The following LIPM variants were observed in gnomAD, a reference collection of about 807,000 sequenced individuals.
LIPM encodes lipase member M.
In LIPM, 42 loss-of-function variants were observed where a neutral mutation model predicts 42.4. That is an observed-to-expected ratio of 0.99 (90% confidence interval 0.77 to 1.28). The LOEUF (loss-of-function observed/expected upper bound fraction) is 1.28. Ranked by LOEUF, LIPM falls within the 50% of genes most tolerant of loss-of-function variation. The pLI is 0.00. For missense variants in LIPM, 524 were observed against 520.1 expected, an observed-to-expected ratio of 1.01 and a Z score of -0.07; for synonymous variants, 177 against 173.3, an observed-to-expected ratio of 1.02 and a Z score of -0.17.
At chr10:88,817,148 C>G (rs551415440) in intron 7 of LIPM, among the ~76,000 whole-genome samples, 6 of 152,012 alleles carry the variant, frequency 3.9e-5, no homozygotes, top group African/African-American at 7.2e-5. Flanking sequence ...TGAGACTTCT[C>G]TCTGTCTCTA....
chr10:88,809,343 T>C (rs1843626852), intron 2 of LIPM, among the ~76,000 whole-genome samples: 1 of 152,236 alleles, frequency 6.6e-6, no homozygotes, highest in Non-Finnish European at 1.5e-5. Flanking sequence ...ATTGTTATTT[T>C]TTAAACATTT....
At chr10:88,817,378 G>A (rs1414220752) in intron 7 of LIPM, among the ~76,000 whole-genome samples, 4 of 152,194 alleles carry the variant, frequency 2.6e-5, no homozygotes, top group Non-Finnish European at 5.9e-5. Flanking sequence ...GGGGGAAGGA[G>A]AGAGTTCTCT....
intron 1 of LIPM, 61 bp downstream of exon 1, chr10:88,803,104 A>T: frequency 6.8e-7 from 1 of 1,475,738 alleles, no homozygotes; most frequent in East Asian, 2.5e-5. Context: ...TCTGTGTATT[A>T]TTTACATTAT....
chr10:88,815,465 T>C lies in LIPM; in HGVS notation c.820T>C (p.Leu274=). Residue 274 remains leucine, a synonymous_variant, in exon 6 of 9, where the codon TTA becomes CTA. Transcript: ENST00000404743. ...ILDQICSNIM[L]LLGGFNTNNM... ...TGATCAGATTTGTAGTAATATCATGTTACTTCTGGGTGGATTCAACACCAA... is the reference window on the plus strand; with the variant it reads ...TGATCAGATTTGTAGTAATATCATGCTACTTCTGGGTGGATTCAACACCAA... 1 of 1,551,552 alleles carries C rather than the reference T, an allele frequency of 6.4e-7. No homozygotes were observed. Among genetic ancestry groups the C allele is most frequent in the Non-Finnish European group, 8.7e-7 (1 of 1,146,892 alleles).
intron 8 of LIPM, 111 bp downstream of exon 8, chr10:88,818,007 C>T: frequency 1.2e-6 from 1 of 867,694 alleles, no homozygotes; most frequent in Non-Finnish European, 1.8e-6. Context: ...AAAATTTAAG[C>T]AGAAAATAAT....
Position 88,820,467 on chromosome 10 carries a change from A to T in LIPM, c.1238A>T (p.Asn413Ile), listed in dbSNP as rs1378697641. The T allele has an allele frequency of 6.4e-7, 1 of 1,551,662 alleles. No homozygotes were observed. The highest frequency in any genetic ancestry group is 2.0e-5 in the Admixed American group (1 of 51,000). Residue 413 changes from asparagine (N) to isoleucine (I), a missense_variant, in exon 9 of 9, where the codon AAC becomes ATC. Physicochemically the swap from Asn to Ile is moderately radical, Grantham distance 149. Transcript: ENST00000404743. Reference protein sequence around the residue: ...IIHLMQQEETNLSQGRCEAVL With the variant: ...IIHLMQQEETILSQGRCEAVL The stretch of plus-strand genomic sequence containing the variant: ...CATCTGATGCAGCAGGAGGAGACCA[A>T]CCTTTCCCAGGGACGGTGTGAGGCC...
intron 3 of LIPM, among the ~76,000 whole-genome samples, chr10:88,813,821 C>G (rs1255257690): frequency 6.6e-6 from 1 of 151,990 alleles, no homozygotes; most frequent in Non-Finnish European, 1.5e-5. Flanking sequence ...AGCAAGGCAC[C>G]CTTTTCACAA....
chr10:88,810,009 G>T (rs1413060629), intron 2 of LIPM, among the ~76,000 whole-genome samples: 1 of 152,006 alleles, frequency 6.6e-6, no homozygotes, highest in East Asian at 1.9e-4. Flanking sequence ...CCCTTACCCT[G>T]CTTACTTTTC....
In LIPM at chr10:88,820,489, G is replaced by A; in HGVS notation, c.1260G>A (p.Glu420=). 2 of 1,550,744 alleles carry A rather than the reference G, an allele frequency of 1.3e-6. No individual in the cohort carries two copies. Among genetic ancestry groups the A allele is most frequent in the Non-Finnish European group, 1.7e-6 (2 of 1,146,846 alleles). The part of the protein sequence containing the change: ...EETNLSQGRC[E]AVL ...CCAACCTTTCCCAGGGACGGTGTGA[G>A]GCCGTATTGTGAAGCATCTGACACT... Residue 420 remains glutamate, a synonymous_variant, in exon 9 of 9, where the codon GAG becomes GAA. Transcript: ENST00000404743.
chr10:88,804,279 G>A (rs1296830747), intron 1 of LIPM, among the ~76,000 whole-genome samples: 1 of 152,106 alleles, frequency 6.6e-6, no homozygotes, highest in Non-Finnish European at 1.5e-5. Flanking sequence ...CTCTGCAGTG[G>A]CAGACAGAGA....
chr10:88,814,298 T>C (rs970614350), intron 3 of LIPM, among the ~76,000 whole-genome samples: 2 of 152,200 alleles, frequency 1.3e-5, no homozygotes, highest in African/African-American at 2.4e-5. Flanking sequence ...AAGATAGTTA[T>C]TGCTACGTGA....
intron 8 of LIPM, 48 bp downstream of exon 8, chr10:88,817,944 T>C (rs1302825833): frequency 7.4e-7 from 1 of 1,349,162 alleles, no homozygotes; most frequent in Non-Finnish European, 1.0e-6. Context: ...ATTGGAAATG[T>C]ATGACAGGGA....
Position 88,813,244 on chromosome 10 carries a change from C to T in LIPM, c.413C>T (p.Ser138Phe). 6.2e-7 allele frequency: 1 copy of T among 1,612,726 alleles called. No individual in the cohort carries two copies. Among genetic ancestry groups the T allele is most frequent in the Non-Finnish European group, 8.5e-7 (1 of 1,179,298 alleles). ...GGGAACAGCAGGGGAAACGCCTGGT[C>T]TCGAAAACACAAGACACTCTCCATA... is the stretch of plus-strand genomic sequence containing the variant. ...WMGNSRGNAW[S>F]RKHKTLSIDQ... The change falls in exon 3 of 9, where the codon TCT becomes TTT. Residue 138 changes from serine to phenylalanine, a missense_variant. Transcript: ENST00000404743.
chr10:88,813,241 G>A lies in LIPM; in HGVS notation c.410G>A (p.Trp137Ter). The A allele has an allele frequency of 6.2e-7, 1 of 1,613,042 alleles. No homozygotes were observed. Among genetic ancestry groups the A allele is most frequent in the Non-Finnish European group, 8.5e-7 (1 of 1,179,452 alleles). Residue 137 changes from tryptophan (W) to a stop codon, truncating the protein, a stop_gained, in exon 3 of 9, where the codon TGG becomes TAG. Coordinates refer to ENST00000404743, the MANE Select transcript of LIPM (RefSeq NM_001128215.1). LOFTEE classifies it high-confidence loss of function. ...VWMGNSRGNA[W>*]SRKHKTLSID... ...ATGGGGAACAGCAGGGGAAACGCCTGGTCTCGAAAACACAAGACACTCTCC... is the reference window on the plus strand; with the variant it reads ...ATGGGGAACAGCAGGGGAAACGCCTAGTCTCGAAAACACAAGACACTCTCC...
chr10:88,809,975 C>G (rs568821003), intron 2 of LIPM, among the ~76,000 whole-genome samples: 1 of 152,148 alleles, frequency 6.6e-6, no homozygotes, highest in Non-Finnish European at 1.5e-5. Context: ...AGTTGCAGCT[C>G]TTTGCTACCT....
At chr10:88,806,770 C>T (rs965325779) in intron 1 of LIPM, among the ~76,000 whole-genome samples, 3 of 152,084 alleles carry the variant, frequency 2.0e-5, no homozygotes, top group African/African-American at 4.8e-5. Context: ...CTGTAACCTC[C>T]GCCTCCCAGA....
rs371997379 is a variant in LIPM, at chr10:88,802,967, C to T, written c.71C>T (p.Ala24Val). Residue 24 changes from alanine (A) to valine (V), a missense_variant, in exon 1 of 9, where the codon GCG becomes GTG. Physicochemically the swap from Ala to Val is moderately conservative, Grantham distance 64. Transcript: ENST00000404743. ...GAAATGTGGCTTCTGATTCTGGTGGCGTATATGTTCCAGAGAAATGTGAAT... is the reference window on the plus strand; with the variant it reads ...GAAATGTGGCTTCTGATTCTGGTGGTGTATATGTTCCAGAGAAATGTGAAT... ...RMEMWLLILV[A>V]YMFQRNVNSV... is the part of the protein sequence containing the mutation. 1.9e-5 allele frequency: 29 copies of T among 1,551,018 alleles called. No homozygotes were observed. Among genetic ancestry groups the T allele is most frequent in the Middle Eastern group, 1.7e-4 (1 of 6,012 alleles).
intron 1 of LIPM, 118 bp from the exon 2 acceptor site, chr10:88,808,180 G>T (rs1388955767): frequency 1.1e-5 from 7 of 619,172 alleles, no homozygotes; most frequent in Non-Finnish European, 1.2e-5. Flanking sequence ...GATTAGCTAG[G>T]GAAAAGCAAG....
At chr10:88,813,630 G>A (rs1422783787) in intron 3 of LIPM, among the ~76,000 whole-genome samples, 3 of 151,906 alleles carry the variant, frequency 2.0e-5, no homozygotes, top group Admixed American at 2.0e-4. Flanking sequence ...AAGAGACCAG[G>A]CAGCATTAAA....
Sources: gnomAD v4.1 joint callset for allele counts (sites outside exome capture counted in the v4.1 genomes callset) on GRCh38, gnomAD v4.1.1 for gene constraint, MANE v1.5 for transcripts, NCBI Gene and HGNC (gene_info 2026-07-23, HGNC 2026-07-21) for gene names.